GATA3: variants seen among roughly 807,000 people sequenced by gnomAD.
GATA3 encodes GATA binding protein 3, also known as trans-acting T-cell-specific transcription factor GATA-3.
In GATA3, 6 loss-of-function variants were observed where a neutral mutation model predicts 36.0. The ratio of observed to expected loss-of-function variants is 0.17; its 90% CI spans 0.09 to 0.33. The LOEUF is 0.33. GATA3 is among the 10% of genes least tolerant of loss of function. The pLI, the probability that GATA3 is intolerant of heterozygous loss-of-function variation, is 1.00. For missense variants in GATA3, 514 were observed against 610.1 expected, an observed-to-expected ratio of 0.84 and a Z score of 1.66; for synonymous variants, 326 against 273.0, an observed-to-expected ratio of 1.19 and a Z score of -1.92.
intron 1 of GATA3, among the ~76,000 whole-genome samples, chr10:8,045,829 G>T (rs35421083): frequency 0.019 from 2,968 of 152,288 alleles, 37 homozygotes; most frequent in Middle Eastern, 0.041. Context: ...CCGGAGACAC[G>T]TTTCCCACTG....
chr10:8,047,659 C>G (rs540334748), intron 1 of GATA3, among the ~76,000 whole-genome samples: 2 of 152,312 alleles, frequency 1.3e-5, no homozygotes, highest in East Asian at 3.9e-4. Context: ...CGAGGCGTCC[C>G]GGCTGAGGTC....
chr10:8,057,525 C>G (rs1176690800), intron 2 of GATA3, among the ~76,000 whole-genome samples: 1 of 152,164 alleles, frequency 6.6e-6, no homozygotes. Flanking sequence ...ATGGGGCTTA[C>G]GTTATCTCCT....
Position 8,058,839 on chromosome 10 carries a change from C to G in GATA3, c.776C>G (p.Thr259Arg). 1 of 1,602,656 alleles carries G rather than the reference C, an allele frequency of 6.2e-7. No homozygotes were observed. Among genetic ancestry groups the G allele is most frequent in the Non-Finnish European group, 8.5e-7 (1 of 1,179,890 alleles). ...TCCAGGCCCAAGGCCCGGTCCAGCA[C>G]AGGTAGGAGCCAGCTCTTCCCTGGA... ...CKSRPKARSS[T>R]EGRECVNCGA... Residue 259 changes from threonine to arginine, a missense_variant and splice_region_variant, in exon 3 of 6, where the codon ACA becomes AGA. By Grantham distance (71) the Thr-to-Arg change is moderately conservative. Around this residue, in one of 3 missense-constraint regions of GATA3, gnomAD observed 44 missense variants for 151.5 expected, o/e 0.29. Transcript: ENST00000379328.
At chr10:8,059,101 A>G (rs927016061) in intron 3 of GATA3, among the ~76,000 whole-genome samples, 4 of 152,122 alleles carry the variant, frequency 2.6e-5, no homozygotes, top group Admixed American at 2.6e-4. Flanking sequence ...ACAAACAAAA[A>G]CAAAGTCATG....
intron 1 of GATA3, among the ~76,000 whole-genome samples, chr10:8,047,094 A>T (rs1403931145): frequency 6.6e-6 from 1 of 152,204 alleles, no homozygotes; most frequent in Non-Finnish European, 1.5e-5. Context: ...TGCAGAAGAT[A>T]AACGAGGTGG....
chr10:8,066,616 C>G (rs1183054067), intron 4 of GATA3, among the ~76,000 whole-genome samples: 1 of 152,132 alleles, frequency 6.6e-6, no homozygotes, highest in African/African-American at 2.4e-5. Flanking sequence ...ATAGCTAGCT[C>G]TTCTGTGAGA....
intron 4 of GATA3, among the ~76,000 whole-genome samples, chr10:8,069,186 A>T (rs1364484992): frequency 6.6e-6 from 1 of 152,128 alleles, no homozygotes; most frequent in Non-Finnish European, 1.5e-5. Context: ...GTAGGAGGCT[A>T]AGACTGCCAG....
intron 4 of GATA3, among the ~76,000 whole-genome samples, chr10:8,065,864 TG>T (rs1832830456): frequency 1.3e-5 from 1 of 75,252 alleles, no homozygotes; most frequent in African/African-American, 4.8e-5. Context: ...AAGAAGTGTT[TG>T]AAAAAAAAAA....
At chr10:8,057,146 A>T (rs971808314) in intron 2 of GATA3, among the ~76,000 whole-genome samples, 3 of 152,186 alleles carry the variant, frequency 2.0e-5, no homozygotes, top group Admixed American at 1.3e-4. Context: ...CTTCCTGCAT[A>T]ATATGAATCT....
At chr10:8,066,530 A>G (rs1252356634) in intron 4 of GATA3, among the ~76,000 whole-genome samples, 9 of 150,412 alleles carry the variant, frequency 6.0e-5, no homozygotes, top group Admixed American at 6.0e-4. Context: ...GTATTCCCTG[A>G]CCCTTTATTC....
intron 2 of GATA3, among the ~76,000 whole-genome samples, chr10:8,056,103 A>G (rs1832632318): frequency 6.6e-6 from 1 of 152,126 alleles, no homozygotes; most frequent in South Asian, 2.1e-4. Flanking sequence ...GAGTCGCAGC[A>G]GGCGCCTCTC....
At chr10:8,069,288 C>T (rs951359524) in intron 4 of GATA3, among the ~76,000 whole-genome samples, 185 bp from the exon 5 acceptor site, 1 of 151,886 alleles carries the variant, frequency 6.6e-6, no homozygotes, top group African/African-American at 2.4e-5. Flanking sequence ...AGTGGAGTGG[C>T]GACATTTTTC....
At chr10:8,049,743 G>T (rs1832439405), upstream of GATA3, among the ~76,000 whole-genome samples, 1 of 152,198 alleles carries the variant, frequency 6.6e-6, no homozygotes, top group African/African-American at 2.4e-5. Context: ...AGGAGGGGGC[G>T]GTGAGGCTGG....
chr10:8,061,089 C>CTCTCTCTCTCTCTCTT (rs754738004), intron 3 of GATA3, among the ~76,000 whole-genome samples: 13,971 of 145,308 alleles, frequency 0.096, 798 homozygotes, highest in Middle Eastern at 0.12. Flanking sequence ...CTCTCTCTCT[C>CTCTCTCTCTCTCTCTT]TTTTTTACCC....
intron 5 of GATA3, among the ~76,000 whole-genome samples, chr10:8,073,027 C>T (rs1340686253): frequency 1.3e-5 from 2 of 151,750 alleles, no homozygotes; most frequent in Non-Finnish European, 2.9e-5. Flanking sequence ...CGCCTCTAGT[C>T]CCAGCTACTC....
rs1832973388 is a variant in GATA3 at position 8,073,927 on chromosome 10, C to T, written c.1239C>T (p.Ser413=). 1.2e-6 allele frequency: 2 copies of T among 1,614,160 alleles called. No individual in the cohort carries two copies. Among genetic ancestry groups the T allele is most frequent in the Non-Finnish European group, 1.7e-6 (2 of 1,180,040 alleles). The part of the protein sequence containing the change: ...SLSHISPFSH[S]SHMLTTPTPM... Reference sequence around the variant, plus strand: ...GCCACATCTCGCCCTTCAGCCACTCCAGCCACATGCTGACCACGCCCACGC... The same window carrying T: ...GCCACATCTCGCCCTTCAGCCACTCTAGCCACATGCTGACCACGCCCACGC... Residue 413 remains serine (S), a synonymous_variant, in exon 6 of 6, where the codon TCC becomes TCT. Transcript: ENST00000379328.
chr10:8,049,930 A>C (rs549672908), upstream of GATA3, among the ~76,000 whole-genome samples: 2 of 152,126 alleles, frequency 1.3e-5, no homozygotes, highest in Non-Finnish European at 2.9e-5. Context: ...TCCTTTGAAC[A>C]GGCGCTGGGG....
Position 8,073,742 on chromosome 10 carries a change from A to G in GATA3, c.1054A>G (p.Asn352Asp), listed in dbSNP as rs750944094. 1 of 1,613,298 alleles carries G rather than the reference A, an allele frequency of 6.2e-7. No homozygotes were observed. The highest frequency in any genetic ancestry group is 1.1e-5 in the South Asian group (1 of 91,052). The change falls in exon 6 of 6, where the codon AAC becomes GAC. Residue 352 changes from asparagine (N) to aspartate (D), a missense_variant. By Grantham distance (23) the Asn-to-Asp change is conservative. This residue lies in a region of GATA3 where 44 missense variants were observed against 151.5 expected (regional missense o/e 0.29). Coordinates refer to ENST00000379328, the MANE Select transcript of GATA3 (RefSeq NM_001002295.2). ...AAAAAAATTGATCTTTGTTTAGATTAACAGACCCCTGACTATGAAGAAGGA... is the reference window on the plus strand; with the variant it reads ...AAAAAAATTGATCTTTGTTTAGATTGACAGACCCCTGACTATGAAGAAGGA... The part of the protein sequence containing the change: ...CGLYYKLHNI[N>D]RPLTMKKEGI...
chr10:8,058,927 G>A (rs1366307687), intron 3 of GATA3, 86 bp downstream of exon 3: 1 of 1,294,278 alleles, frequency 7.7e-7, no homozygotes, highest in Non-Finnish European at 1.1e-6. Flanking sequence ...GGACCCCTCA[G>A]GGGAGCCGGG....
Sources: gnomAD v4.1 joint callset for allele counts (sites outside exome capture counted in the v4.1 genomes callset) on GRCh38, gnomAD v4.1.1 for gene constraint, gnomAD v4.1.1 regional missense constraint, MANE v1.5 for transcripts, NCBI Gene and HGNC (gene_info 2026-07-23, HGNC 2026-07-21) for gene names.